Variants in IL1RAPL1 observed in about 807,000 individuals in gnomAD.
IL1RAPL1 encodes interleukin-1 receptor accessory protein-like 1.
IL1RAPL1 carries 3 observed loss-of-function variants against 48.4 expected under a neutral mutation model. The observed-to-expected ratio is 0.06, with a 90% confidence interval of 0.03 to 0.16. The LOEUF (loss-of-function observed/expected upper bound fraction) is 0.16, where lower values mean the gene tolerates loss of function less well. IL1RAPL1 is among the 10% of genes least tolerant of loss of function. The pLI is 1.00. For missense variants in IL1RAPL1, 349 were observed against 530.6 expected (o/e 0.66, Z 3.36); for synonymous variants, 185 against 187.7 (o/e 0.99, Z 0.12).
At chrX:29,415,876 A>C (rs1316749238) in intron 5 of IL1RAPL1, among the ~76,000 whole-genome samples, 1 of 112,216 alleles carries the variant, frequency 8.9e-6, no homozygotes, top group Non-Finnish European at 1.9e-5. Context: ...CCCATTATTA[A>C]TTTGAATAAA....
intron 2 of IL1RAPL1, among the ~76,000 whole-genome samples, chrX:29,134,288 G>C (rs1397211537): frequency 9.0e-6 from 1 of 111,586 alleles, no homozygotes; most frequent in Non-Finnish European, 1.9e-5. Context: ...CTTCCGAAGT[G>C]ACTGTACCAT....
At chrX:29,643,747 G>T (rs966838653) in intron 5 of IL1RAPL1, among the ~76,000 whole-genome samples, 4 of 111,135 alleles carry the variant, frequency 3.6e-5, no homozygotes, top group Non-Finnish European at 7.5e-5. Flanking sequence ...GTCAACCTCT[G>T]TTTCTTTATT....
chrX:28,610,698 C>T (rs912380304), intron 1 of IL1RAPL1, among the ~76,000 whole-genome samples: 6 of 111,040 alleles, frequency 5.4e-5, no homozygotes, highest in African/African-American at 9.8e-5. Context: ...AGCTCAGCTC[C>T]GAGACAGGAA....
chrX:29,136,482 C>T (rs190168953), intron 2 of IL1RAPL1, among the ~76,000 whole-genome samples: 128 of 111,580 alleles, frequency 1.1e-3, no homozygotes, highest in African/African-American at 4.1e-3. Flanking sequence ...AGGGTACTCA[C>T]TGTGTGATCT....
intron 6 of IL1RAPL1, among the ~76,000 whole-genome samples, chrX:29,724,367 CTAAT>C (rs1269733205): frequency 2.7e-5 from 3 of 111,729 alleles, no homozygotes; most frequent in Non-Finnish European, 5.6e-5. Context: ...TTCTAGCACT[CTAAT>C]TAGACTTTTC....
At chrX:29,802,747 T>TTACATATATA (rs1929942947) in intron 6 of IL1RAPL1, among the ~76,000 whole-genome samples, 1 of 36,282 alleles carries the variant, frequency 2.8e-5, no homozygotes, top group Non-Finnish European at 5.3e-5. Flanking sequence ...GAGGAAAAAA[T>TTACATATATA]TATATATATA....
chrX:29,164,643 ATG>A (rs1929750706), intron 2 of IL1RAPL1, among the ~76,000 whole-genome samples: 1 of 111,737 alleles, frequency 8.9e-6, no homozygotes, highest in Non-Finnish European at 1.9e-5. Flanking sequence ...TAGGAGAAAA[ATG>A]TGTGTGTTGT....
chrX:29,319,416 C>G (rs1471223478), intron 3 of IL1RAPL1, among the ~76,000 whole-genome samples: 1 of 83,923 alleles, frequency 1.2e-5, no homozygotes, highest in Non-Finnish European at 2.2e-5. Flanking sequence ...GTTGCCCAAG[C>G]TGTCCCCTAA....
chrX:29,336,269 C>CATATATATATAT (rs57126796), intron 3 of IL1RAPL1, among the ~76,000 whole-genome samples: 15,697 of 57,233 alleles, frequency 0.27, 3,149 homozygotes, highest in Non-Finnish European at 0.37. Flanking sequence ...ATATATATGC[C>CATATATATATAT]ATATATATAT....
At chrX:29,772,921 A>G (rs1294639532) in intron 6 of IL1RAPL1, among the ~76,000 whole-genome samples, 1 of 111,534 alleles carries the variant, frequency 9.0e-6, no homozygotes, top group Non-Finnish European at 1.9e-5. Context: ...ATAATCTCAG[A>G]GTAGCTTTAC....
intron 3 of IL1RAPL1, among the ~76,000 whole-genome samples, chrX:29,306,270 C>T (rs1236520331): frequency 8.9e-6 from 1 of 111,882 alleles, no homozygotes; most frequent in Non-Finnish European, 1.9e-5. Flanking sequence ...GTGGCTCACG[C>T]CTGTAATCCC....
intron 6 of IL1RAPL1, among the ~76,000 whole-genome samples, chrX:29,760,877 AT>A (rs937718306): frequency 8.9e-6 from 1 of 111,991 alleles, no homozygotes; most frequent in East Asian, 2.8e-4. Flanking sequence ...TCATTCAACA[AT>A]TTTTTTATTG....
rs943203407 is a variant in IL1RAPL1, at chrX:29,956,071, A to AT, written c.*259dup. 36 of 391,195 alleles carry AT rather than the reference A, an allele frequency of 9.2e-5. No individual in the cohort carries two copies. The highest frequency in any genetic ancestry group is 3.8e-4 in the African/African-American group (15 of 39,398). The allele number at this position is 391,195 out of a possible 1,213,427, so 32.2% of individuals were successfully genotyped here. On this transcript the variant is annotated 3_prime_UTR_variant, in exon 11 of 11. Coordinates refer to ENST00000378993, the MANE Select transcript of IL1RAPL1 (RefSeq NM_014271.4). ...ATGTCGTTGGAATTTGTAAATTTACATTTTTTTTAAAGAAGAGACTGATGT... is the reference window on the plus strand; with the variant it reads ...ATGTCGTTGGAATTTGTAAATTTACATTTTTTTTTAAAGAAGAGACTGATGT...
chrX:28,706,124 G>A (rs981979856), intron 1 of IL1RAPL1, among the ~76,000 whole-genome samples: 1 of 111,805 alleles, frequency 8.9e-6, no homozygotes, highest in African/African-American at 3.3e-5. Context: ...AGTCAATGAC[G>A]AACCGCATGT....
At chrX:29,507,276 T>G (rs1227226205) in intron 5 of IL1RAPL1, among the ~76,000 whole-genome samples, 2 of 94,233 alleles carry the variant, frequency 2.1e-5, no homozygotes, top group Non-Finnish European at 4.2e-5. Context: ...CCTTCCTTCT[T>G]TCCTTCCTTT....
At chrX:29,878,840 G>C (rs1423573228) in intron 6 of IL1RAPL1, among the ~76,000 whole-genome samples, 1 of 111,166 alleles carries the variant, frequency 9.0e-6, no homozygotes, top group Non-Finnish European at 1.9e-5. Context: ...AAAATATATT[G>C]TATCTCTTAG....
At chrX:29,590,752 G>C (rs958925886) in intron 5 of IL1RAPL1, among the ~76,000 whole-genome samples, 40 of 111,487 alleles carry the variant, frequency 3.6e-4, no homozygotes, top group African/African-American at 1.1e-3. Flanking sequence ...AAGTCACAGT[G>C]ATCATTGGAG....
At chrX:29,791,787 G>GTGT (rs1195310440) in intron 6 of IL1RAPL1, among the ~76,000 whole-genome samples, 1 of 98,424 alleles carries the variant, frequency 1.0e-5, no homozygotes, top group Non-Finnish European at 2.0e-5. Flanking sequence ...CTGGAGTGCA[G>GTGT]TGTTGTGATC....
chrX:29,008,184 TA>T (rs1415055524), intron 2 of IL1RAPL1, among the ~76,000 whole-genome samples: 1 of 108,855 alleles, frequency 9.2e-6, no homozygotes, highest in Non-Finnish European at 1.9e-5. Flanking sequence ...TTTTTTTTTT[TA>T]TTGAGACGGA....
Sources: gnomAD v4.1 joint callset for allele counts (sites outside exome capture counted in the v4.1 genomes callset) on GRCh38, gnomAD v4.1.1 for gene constraint, MANE v1.5 for transcripts, NCBI Gene and HGNC (gene_info 2026-07-23, HGNC 2026-07-21) for gene names.